The following SPON1 variants were observed in gnomAD, a reference collection of about 807,000 sequenced individuals.
The protein encoded by SPON1 is spondin 1.
A neutral mutation model predicts 111.7 loss-of-function variants in SPON1; 52 were observed. The ratio of observed to expected loss-of-function variants is 0.47; its 90% CI spans 0.37 to 0.59. The LOEUF is 0.59. SPON1 is among the 20% of genes least tolerant of loss of function. The pLI is 0.00. For missense variants in SPON1, 957 were observed against 1,068.5 expected, an observed-to-expected ratio of 0.90 and a Z score of 1.46; for synonymous variants, 410 against 395.8, an observed-to-expected ratio of 1.04 and a Z score of -0.43.
intron 5 of SPON1, among the ~76,000 whole-genome samples, chr11:14,117,441 T>C (rs1849275061): frequency 6.6e-6 from 1 of 152,236 alleles, no homozygotes; most frequent in Non-Finnish European, 1.5e-5. Flanking sequence ...TATGAACATA[T>C]TCATGTAATT....
chr11:14,258,307 G>A (rs1399293248), intron 11 of SPON1, among the ~76,000 whole-genome samples: 4 of 152,198 alleles, frequency 2.6e-5, no homozygotes, highest in East Asian at 1.9e-4. Flanking sequence ...CCACCTCAGC[G>A]TGAGTCAGAG....
At position 14,000,944 on chromosome 11, in the gene SPON1, G is replaced by A. The variant is rs118148200; in HGVS notation, c.345+17991G>A. On this transcript the variant is annotated intron_variant, in intron 2 of 15. Transcript: ENST00000576479. ...GTCAAAATTGGAGTAATACTAAGTCGAAGAGTTGTATAAGAACTTCTAATG... is the reference window on the plus strand; with the variant it reads ...GTCAAAATTGGAGTAATACTAAGTCAAAGAGTTGTATAAGAACTTCTAATG... Among the ~76,000 whole-genome samples, 22 of 152,192 alleles carry A rather than the reference G, an allele frequency of 1.4e-4. No individual in the cohort carries two copies. In the East Asian group the frequency reaches 2.5e-3, roughly 17 times the overall value.
intron 3 of SPON1, among the ~76,000 whole-genome samples, chr11:14,074,701 A>G (rs1221860734): frequency 6.6e-6 from 1 of 152,172 alleles, no homozygotes; most frequent in Admixed American, 6.5e-5. Flanking sequence ...TGCAATCCCA[A>G]ATTAAAGCGA....
intron 6 of SPON1, among the ~76,000 whole-genome samples, chr11:14,147,236 G>T (rs553404240): frequency 3.3e-5 from 5 of 151,662 alleles, no homozygotes; most frequent in Admixed American, 2.6e-4. Context: ...GTTTCACCTT[G>T]TTGGTCAGGC....
At chr11:14,012,001 C>T (rs1564885528) in intron 2 of SPON1, among the ~76,000 whole-genome samples, 1 of 152,116 alleles carries the variant, frequency 6.6e-6, no homozygotes. Context: ...GGCTGCAATG[C>T]ATAATGTGTG....
At chr11:14,076,680 T>C (rs1848920834) in intron 4 of SPON1, among the ~76,000 whole-genome samples, 1 of 152,226 alleles carries the variant, frequency 6.6e-6, no homozygotes, top group Admixed American at 6.5e-5. Context: ...CAGTAGTTCT[T>C]ATCATTGCCT....
chr11:14,034,193 T>C (rs1250822218), intron 2 of SPON1, among the ~76,000 whole-genome samples: 2 of 152,170 alleles, frequency 1.3e-5, no homozygotes, highest in East Asian at 1.9e-4. Context: ...TACATCATCA[T>C]TGTTGAAAAT....
At chr11:14,157,623 T>C (rs1168138209) in intron 6 of SPON1, among the ~76,000 whole-genome samples, 3 of 152,290 alleles carry the variant, frequency 2.0e-5, no homozygotes, top group South Asian at 2.1e-4. Context: ...ACATTGGTTC[T>C]ATCCCAATAT....
chr11:14,139,709 A>AATATATATATATATATATATAT (rs57464043), intron 6 of SPON1, among the ~76,000 whole-genome samples: 1 of 145,404 alleles, frequency 6.9e-6, no homozygotes, highest in African/African-American at 2.6e-5. Context: ...AAACATGTAA[A>AATATATATATATATATATATAT]ATATATATAT....
At chr11:14,189,472 T>C (rs1033518735) in intron 6 of SPON1, among the ~76,000 whole-genome samples, 4 of 152,100 alleles carry the variant, frequency 2.6e-5, no homozygotes, top group Non-Finnish European at 5.9e-5. Context: ...CTAAGCCCCC[T>C]CGGAGGCAAA....
chr11:14,260,973 G>A (rs997448421), intron 14 of SPON1, among the ~76,000 whole-genome samples: 6 of 152,110 alleles, frequency 3.9e-5, no homozygotes, highest in Non-Finnish European at 7.4e-5. Context: ...CAAAGTTAAG[G>A]TTCCTGTGAA....
At chr11:14,249,595 A>C (rs902985260) in intron 7 of SPON1, among the ~76,000 whole-genome samples, 6 of 152,226 alleles carry the variant, frequency 3.9e-5, no homozygotes, top group Admixed American at 6.5e-5. Context: ...TCAGGATGAG[A>C]GACAACACAG....
intron 3 of SPON1, among the ~76,000 whole-genome samples, chr11:14,051,333 G>C (rs1848705795): frequency 6.6e-6 from 1 of 152,074 alleles, no homozygotes; most frequent in Admixed American, 6.6e-5. Flanking sequence ...CCAGGACTTT[G>C]AGACCAGCCT....
At chr11:14,082,286 C>T (rs1478916066) in intron 5 of SPON1, among the ~76,000 whole-genome samples, 2 of 152,068 alleles carry the variant, frequency 1.3e-5, no homozygotes, top group African/African-American at 2.4e-5. Flanking sequence ...ATATAGCAGA[C>T]GTGTGTTCCA....
At chr11:14,257,141 A>C (rs1407934239) in intron 10 of SPON1, among the ~76,000 whole-genome samples, 2 of 152,234 alleles carry the variant, frequency 1.3e-5, no homozygotes, top group African/African-American at 4.8e-5. Flanking sequence ...CTGGACTCTC[A>C]GTAGACATGT....
chr11:14,211,052 GT>G (rs567423341), intron 6 of SPON1, among the ~76,000 whole-genome samples: 404 of 152,220 alleles, frequency 2.7e-3, no homozygotes, highest in Admixed American at 7.3e-3. Context: ...CTCTGGCTTT[GT>G]TCTTTTTCCT....
intron 5 of SPON1, among the ~76,000 whole-genome samples, chr11:14,102,543 A>G (rs1411604446): frequency 8.5e-5 from 13 of 152,206 alleles, no homozygotes; most frequent in Non-Finnish European, 1.8e-4. Flanking sequence ...ACCATATCAC[A>G]CAGCACAGTT....
chr11:14,181,732 T>C (rs1010353009), intron 6 of SPON1, among the ~76,000 whole-genome samples: 1 of 152,172 alleles, frequency 6.6e-6, no homozygotes, highest in African/African-American at 2.4e-5. Flanking sequence ...CAAGACCTAG[T>C]TGGCACAGAG....
intron 2 of SPON1, among the ~76,000 whole-genome samples, chr11:14,031,349 T>C (rs1349252467): frequency 6.6e-6 from 1 of 152,208 alleles, no homozygotes; most frequent in Non-Finnish European, 1.5e-5. Context: ...GCTATAACTT[T>C]TGTGAAAGTT....
Sources: allele counts gnomAD v4.1 joint callset (sites outside exome capture counted in the v4.1 genomes callset), GRCh38; gene constraint gnomAD v4.1.1; transcripts MANE v1.5; gene names NCBI Gene and HGNC (gene_info 2026-07-23, HGNC 2026-07-21).